Variants in SEPTIN3 observed in about 807,000 individuals in gnomAD.
The protein encoded by SEPTIN3 is neuronal-specific septin-3.
A neutral mutation model predicts 45.1 loss-of-function variants in SEPTIN3; 15 were observed. The ratio of observed to expected loss-of-function variants is 0.33; its 90% CI spans 0.22 to 0.51. The LOEUF is 0.51. SEPTIN3 is among the 20% of genes least tolerant of loss of function. The probability of loss-of-function intolerance (pLI) is 0.97; values close to 1 mark genes in which losing one functional copy is unlikely to be tolerated. For synonymous variants in SEPTIN3, 148 were observed against 164.8 expected (o/e 0.90, Z 0.78); for missense variants, 289 against 457.2 (o/e 0.63, Z 3.35).
At chr22:41,983,139 ACT>A (rs2078148902) in intron 3 of SEPTIN3, among the ~76,000 whole-genome samples, 2 of 152,056 alleles carry the variant, frequency 1.3e-5, no homozygotes, top group Non-Finnish European at 1.5e-5. Flanking sequence ...TGGCCACCTG[ACT>A]CTGTGCTGTC....
chr22:41,987,806 T>C, intron 6 of SEPTIN3, 47 bp downstream of exon 6: 2 of 1,577,712 alleles, frequency 1.3e-6, no homozygotes, highest in Non-Finnish European at 1.7e-6. Context: ...CTGGTTTGTA[T>C]CATCTGTGCC....
chr22:41,970,622 C>T (rs1200802817), intron 1 of SEPTIN3, among the ~76,000 whole-genome samples: 2 of 152,180 alleles, frequency 1.3e-5, no homozygotes, highest in Non-Finnish European at 2.9e-5. Flanking sequence ...CTGCTACATA[C>T]AGCCTAGGAG....
intron 11 of SEPTIN3, chr22:41,995,526 A>G (rs1053555574): frequency 3.0e-6 from 3 of 985,014 alleles, no homozygotes; most frequent in East Asian, 1.1e-4. Context: ...TCCCTCATAC[A>G]TTGCTTTCTC....
chr22:41,992,092 T>G (rs2078327708), intron 8 of SEPTIN3, among the ~76,000 whole-genome samples: 1 of 151,998 alleles, frequency 6.6e-6, no homozygotes, highest in Non-Finnish European at 1.5e-5. Flanking sequence ...TTAAAAAAAT[T>G]AAATTGGCTG....
chr22:41,991,735 C>G, intron 8 of SEPTIN3, 67 bp downstream of exon 8: 2 of 1,059,740 alleles, frequency 1.9e-6, no homozygotes, highest in Non-Finnish European at 3.0e-6. Flanking sequence ...GTATTGTGCA[C>G]GTCCTCTGTC....
chr22:41,992,210 C>A (rs1239051914), intron 8 of SEPTIN3, among the ~76,000 whole-genome samples: 1 of 152,130 alleles, frequency 6.6e-6, no homozygotes, highest in Non-Finnish European at 1.5e-5. Flanking sequence ...AAAAACTTAT[C>A]TCTACAAAAC....
In SEPTIN3 at chr22:41,981,451, T is replaced by A. The variant is rs572327375; in HGVS notation, c.1505-194T>A. The A allele has an allele frequency of 8.0e-5, 45 of 559,008 alleles. No individual in the cohort carries two copies. The Admixed American group carries it at 1.3e-3, about 16-fold the overall frequency. 34.6% of individuals were successfully genotyped at this position (559,008 alleles called of 1,614,324 possible). ...TTTACCTCTGACCTGCTCTGTGTTC[T>A]TAGTTGAGTTCTTTCTCCTCCAGGC... On this transcript the variant is annotated intron_variant, in intron 2 of 11. Transcript: ENST00000644076.
At chr22:41,981,279 ATG>A (rs1488383503) in intron 2 of SEPTIN3, 3 of 197,830 alleles carry the variant, frequency 1.5e-5, no homozygotes, top group African/African-American at 2.3e-5. Flanking sequence ...CCTGTAATGC[ATG>A]TGACAGCCTC....
In SEPTIN3 at chr22:41,995,798, AAC is replaced by A. The variant is rs1331785211; in HGVS notation, c.2505+1088_2505+1089del. 1.6e-5 allele frequency: 15 copies of A among 923,498 alleles called. No homozygotes were observed. In the South Asian group the frequency reaches 4.0e-4, roughly 25 times the overall value. 57.2% of individuals were successfully genotyped at this position (923,498 alleles called of 1,614,324 possible). On this transcript the variant is annotated intron_variant, in intron 11 of 11. Transcript: ENST00000644076. Reference sequence around the variant, plus strand: ...CACAGGCAGCCAATGTAAAGAGGGAAACACAGTGAGTTATGCAGTTCCCAGTG... The same window carrying A: ...CACAGGCAGCCAATGTAAAGAGGGAAACAGTGAGTTATGCAGTTCCCAGTG...
At chr22:41,985,037 A>G (rs567833454) in intron 3 of SEPTIN3, among the ~76,000 whole-genome samples, 33 of 151,178 alleles carry the variant, frequency 2.2e-4, no homozygotes, top group Middle Eastern at 7.0e-3. Flanking sequence ...TATTTTTTTT[A>G]GAAGAGACGG....
intron 6 of SEPTIN3, 52 bp from the exon 7 acceptor site, chr22:41,989,515 G>A (rs2078267391): frequency 1.7e-6 from 2 of 1,210,026 alleles, no homozygotes; most frequent in Non-Finnish European, 2.5e-6. Flanking sequence ...GGTGGTGGCT[G>A]AGTTGGGGAG....
chr22:41,990,710 T>C (rs917465539), intron 7 of SEPTIN3, among the ~76,000 whole-genome samples: 16 of 132,814 alleles, frequency 1.2e-4, no homozygotes, highest in African/African-American at 4.7e-4. Context: ...CGTGCTACTG[T>C]ACTCCAGCCT....
At chr22:41,983,695 A>G (rs2078157841) in intron 3 of SEPTIN3, among the ~76,000 whole-genome samples, 1 of 152,056 alleles carries the variant, frequency 6.6e-6, no homozygotes, top group South Asian at 2.1e-4. Flanking sequence ...TTTGAAATCA[A>G]CCTTCCGGTT....
chr22:41,985,856 C>A, intron 3 of SEPTIN3, 128 bp from the exon 4 acceptor site: 2 of 1,188,098 alleles, frequency 1.7e-6, no homozygotes, highest in Non-Finnish European at 2.3e-6. Context: ...CCTGGCCATC[C>A]CCCAGTGAGT....
chr22:41,991,479 G>A, intron 7 of SEPTIN3, 94 bp from the exon 8 acceptor site: 1 of 861,938 alleles, frequency 1.2e-6, no homozygotes, highest in South Asian at 1.4e-5. Context: ...GCTGGATTTG[G>A]CTCTCTGACC....
At position 41,971,767 on chromosome 22, in the gene SEPTIN3, C is replaced by T. The variant is rs927611330; in HGVS notation, c.275C>T (p.Ser92Phe). 1 of 399,288 alleles carries T rather than the reference C, an allele frequency of 2.5e-6. No individual in the cohort carries two copies. The highest frequency in any genetic ancestry group is 1.3e-4 in the South Asian group (1 of 7,856). The allele number at this position is 399,288 out of a possible 1,614,324, so 24.7% of individuals were successfully genotyped here. A position where few individuals can be genotyped will look rare whatever the true frequency, so the allele number is the denominator to read the frequency against. Reference protein sequence around the residue: ...PQETGIALGASLSPLPTSSLV... With the variant: ...PQETGIALGAFLSPLPTSSLV... ...GAGACGGGCATCGCTCTGGGGGCTTCCTTGAGCCCCCTGCCCACCAGCAGC... is the reference window on the plus strand; with the variant it reads ...GAGACGGGCATCGCTCTGGGGGCTTTCTTGAGCCCCCTGCCCACCAGCAGC... The change falls in exon 2 of 12, where the codon TCC becomes TTC. Residue 92 changes from serine to phenylalanine, a missense_variant. Ser to Phe is a radical substitution (Grantham distance 155, BLOSUM62 -2). This residue lies in a region of SEPTIN3 where 200 missense variants were observed against 315.1 expected (regional missense o/e 0.63). Coordinates refer to ENST00000644076, the MANE Select transcript of SEPTIN3 (RefSeq NM_001363845.2).
At chr22:41,990,802 G>A (rs901746565) in intron 7 of SEPTIN3, among the ~76,000 whole-genome samples, 11 of 146,448 alleles carry the variant, frequency 7.5e-5, no homozygotes, top group African/African-American at 2.3e-4. Context: ...GGTGGCTCAC[G>A]CCTGTAATCC....
chr22:41,989,425 G>T, intron 6 of SEPTIN3, 142 bp from the exon 7 acceptor site: 1 of 645,686 alleles, frequency 1.5e-6, no homozygotes, highest in South Asian at 1.9e-5. Flanking sequence ...GGGCTGTGTC[G>T]GAGACGAGAG....
At chr22:41,980,666 G>T (rs528011503) in intron 2 of SEPTIN3, among the ~76,000 whole-genome samples, 1 of 152,242 alleles carries the variant, frequency 6.6e-6, no homozygotes, top group African/African-American at 2.4e-5. Context: ...GTGGACAGTG[G>T]CCTGATAAGG....
Sources: allele counts gnomAD v4.1 joint callset (sites outside exome capture counted in the v4.1 genomes callset), GRCh38; gene constraint gnomAD v4.1.1; regional missense constraint gnomAD v4.1.1; transcripts MANE v1.5; gene names NCBI Gene and HGNC (gene_info 2026-07-23, HGNC 2026-07-21).